The following ANKFN1 variants were observed in gnomAD, a reference collection of about 807,000 sequenced individuals.
The protein encoded by ANKFN1 is ankyrin repeat and fibronectin type-III domain-containing protein 1.
A neutral mutation model predicts 108.7 loss-of-function variants in ANKFN1; 74 were observed. That is an observed-to-expected ratio of 0.68 (90% confidence interval 0.56 to 0.83). The LOEUF is 0.83. Among genes scored for constraint, ANKFN1 ranks in the 40% least tolerant of loss-of-function variants. The probability of loss-of-function intolerance (pLI) is 0.00; values close to 1 mark genes in which losing one functional copy is unlikely to be tolerated. For synonymous variants in ANKFN1, 547 were observed against 516.2 expected, an observed-to-expected ratio of 1.06 and a Z score of -0.81; for missense variants, 1,505 against 1,382.3, an observed-to-expected ratio of 1.09 and a Z score of -1.41.
At chr17:56,342,502 T>C (rs2045985268) in intron 4 of ANKFN1, among the ~76,000 whole-genome samples, 1 of 152,092 alleles carries the variant, frequency 6.6e-6, no homozygotes, top group South Asian at 2.1e-4. Context: ...TGTATTTTTG[T>C]TCTCATTAGT....
chr17:56,477,737 G>T lies in ANKFN1; in HGVS notation c.1940+83G>T, dbSNP rs116624833. 3.9e-3 allele frequency: 5,731 copies of T among 1,485,630 alleles called. 203 individuals are homozygous for T. The African/African-American group carries it at 0.072, about 19-fold the overall frequency. The allele number at this position is 1,485,630 out of a possible 1,614,324, so 92.0% of individuals were successfully genotyped here. A position where few individuals can be genotyped will look rare whatever the true frequency, so the allele number is the denominator to read the frequency against. ...CTTGATGTGCCAGAAGGAAACTGAA[G>T]TGTTACTTCCAGGGCAGTTTTTATG... is the stretch of plus-strand genomic sequence containing the variant. On this transcript the variant is annotated intron_variant, in intron 16 of 20. Transcript: ENST00000682825.
At chr17:56,191,906 C>T (rs1302175317) in intron 1 of ANKFN1, among the ~76,000 whole-genome samples, 16 of 150,904 alleles carry the variant, frequency 1.1e-4, no homozygotes, top group Admixed American at 4.6e-4. Context: ...GGAGGCTTTG[C>T]TCATTTCTTT....
At chr17:56,159,212 GA>G (rs1025259353) in intron 1 of ANKFN1, among the ~76,000 whole-genome samples, 4 of 152,160 alleles carry the variant, frequency 2.6e-5, no homozygotes, top group Admixed American at 1.3e-4. Flanking sequence ...TCAATATCCA[GA>G]AAATGATATT....
chr17:56,491,199 T>G, intron 18 of ANKFN1, among the ~76,000 whole-genome samples: 1 of 152,182 alleles, frequency 6.6e-6, no homozygotes, highest in East Asian at 1.9e-4. Context: ...TAAAAATGTT[T>G]CAACAGACTT....
chr17:56,140,388 A>T (rs998507032), intron 4 of ANKFN1, among the ~76,000 whole-genome samples: 1 of 152,142 alleles, frequency 6.6e-6, no homozygotes, highest in East Asian at 1.9e-4. Context: ...TATCCCCTGC[A>T]TGGCACCATA....
At position 56,372,682 on chromosome 17, in the gene ANKFN1, C is replaced by T. The variant is rs1469089822; in HGVS notation, c.638C>T (p.Thr213Ile). Residue 213 changes from threonine (T) to isoleucine (I), a missense_variant, in exon 7 of 21, where the codon ACA (threonine) becomes ATA (isoleucine). Physicochemically the swap from Thr to Ile is moderately conservative, Grantham distance 89. Transcript: ENST00000682825. Reference sequence around the variant, plus strand: ...GAAAGCCGAGCAATGCACCTCAACACACTGGTCCAGGAAGCCCAGGAGAGG... The same window carrying T: ...GAAAGCCGAGCAATGCACCTCAACATACTGGTCCAGGAAGCCCAGGAGAGG... The part of the protein sequence containing the change: ...SLESRAMHLN[T>I]LVQEAQERVS... The T allele has an allele frequency of 6.2e-7, 1 of 1,613,786 alleles. No individual in the cohort carries two copies. The highest frequency in any genetic ancestry group is 8.5e-7 in the Non-Finnish European group (1 of 1,179,910).
intron 8 of ANKFN1, among the ~76,000 whole-genome samples, chr17:56,434,408 G>A (rs1237118352): frequency 6.7e-6 from 1 of 150,242 alleles, no homozygotes; most frequent in Non-Finnish European, 1.5e-5. Flanking sequence ...AGAAGAAGAA[G>A]AAGATGATGA....
In ANKFN1 at chr17:56,099,053, A is replaced by G. The variant is rs1171326837; in HGVS notation, c.288+52728A>G. Among the ~76,000 whole-genome samples the G allele has an allele frequency of 2.0e-5, 3 of 152,134 alleles. No homozygotes were observed. The East Asian group carries it at 5.8e-4, about 29-fold the overall frequency. On this transcript the variant is annotated intron_variant, in intron 4 of 12. Coordinates refer to the ANKFN1 transcript ENST00000635860. ...ATTTGCCCAGCAGGTTTAGAACAGG[A>G]GCTGTAATGGAGGGATAGTCTTACT... is the stretch of plus-strand genomic sequence containing the variant.
intron 4 of ANKFN1, among the ~76,000 whole-genome samples, chr17:56,131,067 G>A (rs16956700): frequency 0.19 from 29,009 of 152,074 alleles, 3,313 homozygotes; most frequent in African/African-American, 0.3. Flanking sequence ...GCTTTGTGCC[G>A]TAAAGACTAA....
chr17:56,046,923 C>T (rs1203274188), intron 4 of ANKFN1, among the ~76,000 whole-genome samples: 5 of 152,114 alleles, frequency 3.3e-5, no homozygotes, highest in Non-Finnish European at 5.9e-5. Context: ...GGGAAAATAA[C>T]GAGGTATTTC....
rs1336089969 is a variant in ANKFN1, at chr17:56,513,171, C to T, written c.*1902C>T. ...TAGAATTATTCCCTTTATAGCAGGC[C>T]GTCCCATTGGGAATTGGTCCACACC... On this transcript the variant is annotated 3_prime_UTR_variant, in exon 21 of 21. Coordinates refer to ENST00000682825, the MANE Select transcript of ANKFN1 (RefSeq NM_001370326.1). Among the ~76,000 whole-genome samples the T allele has an allele frequency of 6.6e-6, 1 of 152,132 alleles. No individual in the cohort carries two copies. The highest frequency in any genetic ancestry group is 1.9e-4 in the East Asian group (1 of 5,188).
intron 8 of ANKFN1, among the ~76,000 whole-genome samples, chr17:56,399,580 C>A (rs1201384462): frequency 6.6e-6 from 1 of 151,702 alleles, no homozygotes; most frequent in South Asian, 2.1e-4. Flanking sequence ...ACCCATCACC[C>A]GAGCAGTATA....
Position 56,283,524 on chromosome 17 carries a change from G to GATATATATATATATATAT in ANKFN1, c.54-42683_54-42682insATATATATATATATATAT, listed in dbSNP as rs567333825. 6.6e-4 allele frequency among the ~76,000 whole-genome samples: 94 copies of GATATATATATATATATAT among 141,592 alleles called. 10 individuals carry two copies. Among genetic ancestry groups the GATATATATATATATATAT allele is most frequent in the African/African-American group, 2.6e-3 (86 of 33,372 alleles). The allele number at this position is 141,592 out of a possible 152,430, so 92.9% of individuals were successfully genotyped here. On this transcript the variant is annotated intron_variant, in intron 3 of 20. Transcript: ENST00000682825. ...ATCAACAAATGGATAAAGAAACTGTGATATATATATATATGATGGAATACT... is the reference window on the plus strand; with the variant it reads ...ATCAACAAATGGATAAAGAAACTGTGATATATATATATATATATATATATATATATATGATGGAATACT...
chr17:56,328,875 T>C (rs1207457747), intron 4 of ANKFN1, among the ~76,000 whole-genome samples: 2 of 152,258 alleles, frequency 1.3e-5, no homozygotes, highest in East Asian at 3.9e-4. Flanking sequence ...AGCCCCTTCA[T>C]CCAATCACTA....
intron 4 of ANKFN1, among the ~76,000 whole-genome samples, chr17:56,095,519 C>G (rs1905517702): frequency 7.1e-6 from 1 of 141,804 alleles, no homozygotes; most frequent in Non-Finnish European, 1.6e-5. Flanking sequence ...TCAGGCTGGT[C>G]TTGAACTCCT....
At chr17:56,219,946 A>G (rs1226324471) in intron 2 of ANKFN1, among the ~76,000 whole-genome samples, 1 of 152,270 alleles carries the variant, frequency 6.6e-6, no homozygotes, top group Non-Finnish European at 1.5e-5. Context: ...GTAACATTGA[A>G]GTCAGAAAAT....
chr17:56,442,322 G>A (rs549002962), intron 9 of ANKFN1, among the ~76,000 whole-genome samples: 10 of 152,330 alleles, frequency 6.6e-5, no homozygotes, highest in African/African-American at 2.4e-4. Context: ...TGCTCACAGT[G>A]AAATGTATGC....
intron 5 of ANKFN1, 92 bp from the exon 6 acceptor site, chr17:56,353,744 T>C (rs2046306452): frequency 5.5e-6 from 6 of 1,099,002 alleles, no homozygotes; most frequent in Non-Finnish European, 5.5e-6. Flanking sequence ...GGACATGCAG[T>C]CCCTGAAACA....
At chr17:56,446,537 G>A (rs1419991320) in intron 10 of ANKFN1, among the ~76,000 whole-genome samples, 1 of 152,056 alleles carries the variant, frequency 6.6e-6, no homozygotes, top group Non-Finnish European at 1.5e-5. Context: ...GAACATCATC[G>A]TGCTTCTATT....
Sources: allele counts gnomAD v4.1 joint callset (sites outside exome capture counted in the v4.1 genomes callset), GRCh38; gene constraint gnomAD v4.1.1; transcripts MANE v1.5; gene names NCBI Gene and HGNC (gene_info 2026-07-23, HGNC 2026-07-21).